The following TRIP12 variants were observed in gnomAD, a reference collection of about 807,000 sequenced individuals.
TRIP12 encodes E3 ubiquitin-protein ligase TRIP12.
In TRIP12, 25 loss-of-function variants were observed where a neutral mutation model predicts 244.2. The ratio of observed to expected loss-of-function variants is 0.10; its 90% CI spans 0.07 to 0.14. The LOEUF (loss-of-function observed/expected upper bound fraction) is 0.14. Among genes scored for constraint, TRIP12 ranks in the 10% least tolerant of loss-of-function variants. The pLI is 1.00. For synonymous variants in TRIP12, 905 were observed against 873.1 expected, an observed-to-expected ratio of 1.04 and a Z score of -0.64; for missense variants, 1,677 against 2,486.4, an observed-to-expected ratio of 0.67 and a Z score of 6.92.
At chr2:229,808,400 C>T in intron 15 of TRIP12, 31 bp from the exon 16 acceptor site, 2 of 1,469,448 alleles carry the variant, frequency 1.4e-6, no homozygotes, top group Non-Finnish European at 1.9e-6. Context: ...AAACAAAAGG[C>T]TATTAAACTA....
At chr2:229,891,206 A>C (rs772954244) in intron 1 of TRIP12, among the ~76,000 whole-genome samples, 9 of 151,894 alleles carry the variant, frequency 5.9e-5, no homozygotes, top group Non-Finnish European at 1.3e-4. Context: ...GGATCACTTG[A>C]TCTCAGGAGT....
In TRIP12 at chr2:229,766,508, A is replaced by G. The variant is rs2031788345; in HGVS notation, c.*1046T>C. 1.3e-5 allele frequency: 2 copies of G among 152,202 alleles called. No homozygotes were observed. The highest frequency in any genetic ancestry group is 2.9e-5 in the Non-Finnish European group (2 of 68,038). The allele number at this position is 152,202 out of a possible 1,614,324, so 9.4% of individuals were successfully genotyped here. On this transcript the variant is annotated 3_prime_UTR_variant, in exon 42 of 42. Transcript: ENST00000675903. ...GGTGCTTTTATCTGCGTCGAGACAA[A>G]GGCTGAACTGTTTTGTCCCAAGTCA...
chr2:229,887,814 C>A (rs1222278945), intron 1 of TRIP12, among the ~76,000 whole-genome samples: 1 of 151,178 alleles, frequency 6.6e-6, no homozygotes, highest in African/African-American at 2.5e-5. Context: ...GCAAGAGCAT[C>A]ATATTTTAAT....
At chr2:229,885,293 A>T (rs533438210) in intron 1 of TRIP12, among the ~76,000 whole-genome samples, 31 of 152,220 alleles carry the variant, frequency 2.0e-4, no homozygotes, top group Non-Finnish European at 3.7e-4. Context: ...TTAGCTTCAG[A>T]TCATTAACTT....
chr2:229,765,053 T>A lies in TRIP12; in HGVS notation c.*2501A>T, dbSNP rs1018051121. 2 of 152,188 alleles carry A rather than the reference T, an allele frequency of 1.3e-5. No homozygotes were observed. The highest frequency in any genetic ancestry group is 4.8e-5 in the African/African-American group (2 of 41,438). The allele number at this position is 152,188 out of a possible 1,614,324, so 9.4% of individuals were successfully genotyped here. On this transcript the variant is annotated 3_prime_UTR_variant, in exon 42 of 42. Transcript: ENST00000675903. ...CTTACAGTTCAGTTTTCTGGGGGGA[T>A]AGGAAGAGGGGATTACATTTAGCTA...
At chr2:229,810,123 G>C (rs2046901245) in intron 15 of TRIP12, among the ~76,000 whole-genome samples, 1 of 152,210 alleles carries the variant, frequency 6.6e-6, no homozygotes, top group Admixed American at 6.5e-5. Context: ...ACTATGGGAG[G>C]CCAAGGCGGG....
chr2:229,822,016 T>C (rs1366981234), intron 8 of TRIP12, among the ~76,000 whole-genome samples: 1 of 152,220 alleles, frequency 6.6e-6, no homozygotes, highest in Non-Finnish European at 1.5e-5. Flanking sequence ...GGTGTGCACC[T>C]GCAGTCCCAG....
At position 229,859,259 on chromosome 2, in the gene TRIP12, A is replaced by G; in HGVS notation, c.540T>C (p.Ser180=). The stretch of plus-strand genomic sequence containing the variant: ...GACTCCGTGAACCGCCAGTGGCCCC[A>G]CTCTTCCTGGTATGAGCCTTGCTTG... ...PSTSKAHTRK[S]GATGGSRSQK... is the part of the protein sequence containing the mutation. Residue 180 remains serine (S), a synonymous_variant, in exon 4 of 42, where the codon AGT becomes AGC. Coordinates refer to ENST00000675903, the MANE Select transcript of TRIP12 (RefSeq NM_001348323.3). The G allele has an allele frequency of 6.2e-7, 1 of 1,613,948 alleles. No individual in the cohort carries two copies. Among genetic ancestry groups the G allele is most frequent in the East Asian group, 2.2e-5 (1 of 44,880 alleles).
intron 8 of TRIP12, among the ~76,000 whole-genome samples, chr2:229,827,417 TTC>T (rs2051991189): frequency 6.6e-6 from 1 of 152,176 alleles, no homozygotes; most frequent in African/African-American, 2.4e-5. Flanking sequence ...CAAAAACATT[TTC>T]TTTCTTTATA....
intron 30 of TRIP12, 128 bp downstream of exon 30, chr2:229,790,996 G>A: frequency 8.4e-7 from 1 of 1,186,906 alleles, no homozygotes; most frequent in Non-Finnish European, 1.2e-6. Flanking sequence ...CAAACTGTTT[G>A]TAATGTCATT....
intron 1 of TRIP12, among the ~76,000 whole-genome samples, chr2:229,909,602 C>G (rs1197225392): frequency 2.0e-5 from 3 of 150,626 alleles, no homozygotes; most frequent in African/African-American, 7.3e-5. Flanking sequence ...GCCTATAATT[C>G]CAGCATTTTA....
chr2:229,799,649 C>T (rs1428891327), intron 21 of TRIP12, among the ~76,000 whole-genome samples: 1 of 152,082 alleles, frequency 6.6e-6, no homozygotes, highest in Non-Finnish European at 1.5e-5. Flanking sequence ...GTGGCGGGCG[C>T]CTGTAGTCTC....
intron 24 of TRIP12, among the ~76,000 whole-genome samples, chr2:229,797,251 A>T (rs952474700): frequency 1.3e-5 from 2 of 152,144 alleles, no homozygotes; most frequent in Non-Finnish European, 2.9e-5. Flanking sequence ...AAATAAAAAT[A>T]AAAATAAGAA....
intron 8 of TRIP12, among the ~76,000 whole-genome samples, chr2:229,822,380 A>G (rs181325373): frequency 5.3e-5 from 8 of 152,336 alleles, no homozygotes; most frequent in African/African-American, 1.9e-4. Flanking sequence ...AGACTGCTCA[A>G]CTATTCAAAT....
chr2:229,913,748 A>G (rs1241231018), intron 1 of TRIP12, among the ~76,000 whole-genome samples: 1 of 152,236 alleles, frequency 6.6e-6, no homozygotes, highest in East Asian at 1.9e-4. Flanking sequence ...ACCATGTACA[A>G]TGCATTATGT....
chr2:229,852,113 T>A (rs2058824572), intron 4 of TRIP12, among the ~76,000 whole-genome samples: 1 of 152,232 alleles, frequency 6.6e-6, no homozygotes, highest in Admixed American at 6.5e-5. Flanking sequence ...ACAGGCTACA[T>A]GCAAAGTCAC....
At chr2:229,864,704 A>G (rs1441532767) in intron 2 of TRIP12, among the ~76,000 whole-genome samples, 1 of 152,066 alleles carries the variant, frequency 6.6e-6, no homozygotes, top group Non-Finnish European at 1.5e-5. Context: ...TCCACGTTAT[A>G]TTGACATTAT....
chr2:229,879,078 T>C (rs1288096608), intron 2 of TRIP12, among the ~76,000 whole-genome samples: 1 of 151,828 alleles, frequency 6.6e-6, no homozygotes, highest in African/African-American at 2.4e-5. Flanking sequence ...CGTGGCAAAA[T>C]CTTGTCTCTG....
intron 8 of TRIP12, among the ~76,000 whole-genome samples, chr2:229,823,471 G>A (rs1453705217): frequency 6.6e-6 from 1 of 151,814 alleles, no homozygotes; most frequent in Admixed American, 6.6e-5. Flanking sequence ...TCAGGAAATC[G>A]AGACCATCCT....
Sources: allele counts gnomAD v4.1 joint callset (sites outside exome capture counted in the v4.1 genomes callset), GRCh38; gene constraint gnomAD v4.1.1; transcripts MANE v1.5; gene names NCBI Gene and HGNC (gene_info 2026-07-23, HGNC 2026-07-21).